Variants in SLC35F3 observed in about 807,000 individuals in gnomAD.
SLC35F3 encodes solute carrier family 35 member F3, also known as putative thiamine transporter SLC35F3.
A neutral mutation model predicts 49.9 loss-of-function variants in SLC35F3; 25 were observed. The ratio of observed to expected loss-of-function variants is 0.50; its 90% CI spans 0.37 to 0.70. The LOEUF (loss-of-function observed/expected upper bound fraction) is 0.70. Among genes scored for constraint, SLC35F3 ranks in the 30% least tolerant of loss-of-function variants. The probability of loss-of-function intolerance (pLI) is 0.00; values close to 1 mark genes in which losing one functional copy is unlikely to be tolerated. For missense variants in SLC35F3, 525 were observed against 639.8 expected, an observed-to-expected ratio of 0.82 and a Z score of 1.94; for synonymous variants, 275 against 265.4, an observed-to-expected ratio of 1.04 and a Z score of -0.35.
intron 2 of SLC35F3, among the ~76,000 whole-genome samples, chr1:234,098,192 G>A (rs909962870): frequency 6.6e-6 from 1 of 150,998 alleles, no homozygotes; most frequent in Non-Finnish European, 1.5e-5. Flanking sequence ...GACTGTGTTG[G>A]TGGTGACAGT....
At chr1:234,068,050 C>T (rs572742412) in intron 2 of SLC35F3, among the ~76,000 whole-genome samples, 9 of 152,120 alleles carry the variant, frequency 5.9e-5, no homozygotes, top group African/African-American at 2.2e-4. Flanking sequence ...CATTTACTCA[C>T]ATTATGAAAA....
At position 234,169,441 on chromosome 1, in the gene SLC35F3, G is replaced by A. The variant is rs551773744; in HGVS notation, c.284-61976G>A. ...AACATGACAAGGACAAAGCGTTCCCGGCTGTGGGCTCCCAGGCTCTAACAT... is the reference window on the plus strand; with the variant it reads ...AACATGACAAGGACAAAGCGTTCCCAGCTGTGGGCTCCCAGGCTCTAACAT... On this transcript the variant is annotated intron_variant, in intron 2 of 7. Coordinates refer to ENST00000366618, the MANE Select transcript of SLC35F3 (RefSeq NM_173508.4). Among the ~76,000 whole-genome samples, 19 of 152,276 alleles carry A rather than the reference G, an allele frequency of 1.2e-4. 1 individual carries two copies. The South Asian group carries it at 1.5e-3, about 12-fold the overall frequency.
chr1:234,282,447 C>T (rs995569241), intron 3 of SLC35F3, among the ~76,000 whole-genome samples: 1 of 152,224 alleles, frequency 6.6e-6, no homozygotes, highest in Admixed American at 6.5e-5. Flanking sequence ...ACTCACAGTC[C>T]AGAGCAGGGC....
At chr1:233,988,468 C>A (rs1454361909) in intron 2 of SLC35F3, among the ~76,000 whole-genome samples, 1 of 152,140 alleles carries the variant, frequency 6.6e-6, no homozygotes, top group African/African-American at 2.4e-5. Flanking sequence ...CTATCAGTTC[C>A]CCTATTGTCA....
intron 2 of SLC35F3, among the ~76,000 whole-genome samples, chr1:234,220,699 T>G (rs920377751): frequency 1.3e-5 from 2 of 152,086 alleles, no homozygotes; most frequent in African/African-American, 4.8e-5. Flanking sequence ...ATCAACAGGC[T>G]GTGGTGAGAG....
chr1:234,075,000 A>G (rs1664772929), intron 2 of SLC35F3, among the ~76,000 whole-genome samples: 1 of 152,192 alleles, frequency 6.6e-6, no homozygotes, highest in Non-Finnish European at 1.5e-5. Context: ...GGACCAAAGG[A>G]AAATTATGGC....
chr1:234,050,370 G>T lies in SLC35F3; in HGVS notation c.283+144612G>T, dbSNP rs1308640007. 3.9e-5 allele frequency among the ~76,000 whole-genome samples: 6 copies of T among 152,276 alleles called. No homozygotes were observed. In the East Asian group the frequency reaches 1.2e-3, roughly 29 times the overall value. ...TGGTATCTCATTGTGGTTTTGATTT[G>T]CATTTCTCTGATGACCAGTGATGAT... On this transcript the variant is annotated intron_variant, in intron 2 of 7. Coordinates refer to ENST00000366618, the MANE Select transcript of SLC35F3 (RefSeq NM_173508.4).
intron 2 of SLC35F3, among the ~76,000 whole-genome samples, chr1:234,161,367 C>G (rs1666224850): frequency 1.3e-5 from 2 of 151,960 alleles, no homozygotes; most frequent in Non-Finnish European, 2.9e-5. Context: ...TGTCTTTCTG[C>G]AGAGGTTGAT....
At chr1:234,210,614 G>T (rs937305620) in intron 2 of SLC35F3, among the ~76,000 whole-genome samples, 1 of 152,238 alleles carries the variant, frequency 6.6e-6, no homozygotes, top group Non-Finnish European at 1.5e-5. Context: ...AACTGAACTT[G>T]AGAGAGATGA....
intron 2 of SLC35F3, among the ~76,000 whole-genome samples, chr1:234,053,406 T>C (rs1354452777): frequency 6.6e-6 from 1 of 152,216 alleles, no homozygotes; most frequent in Non-Finnish European, 1.5e-5. Context: ...TCTTTGTGTC[T>C]TTTGAGCTTT....
intron 2 of SLC35F3, among the ~76,000 whole-genome samples, chr1:234,154,882 T>G (rs1339489059): frequency 1.3e-5 from 2 of 152,094 alleles, no homozygotes; most frequent in Non-Finnish European, 2.9e-5. Flanking sequence ...GGGGGAGAGA[T>G]AAGCAAGTAT....
At chr1:234,003,538 A>G (rs957817665) in intron 2 of SLC35F3, among the ~76,000 whole-genome samples, 2 of 152,220 alleles carry the variant, frequency 1.3e-5, no homozygotes, top group African/African-American at 2.4e-5. Flanking sequence ...TAAAAAATGA[A>G]ACTTTATTAG....
intron 2 of SLC35F3, among the ~76,000 whole-genome samples, chr1:234,113,733 T>C (rs1558233193): frequency 6.6e-6 from 1 of 152,204 alleles, no homozygotes. Flanking sequence ...CATGATGGCA[T>C]GCGTCTGTAA....
chr1:234,301,265 G>A (rs940110592), intron 3 of SLC35F3, among the ~76,000 whole-genome samples: 40 of 152,154 alleles, frequency 2.6e-4, no homozygotes, highest in African/African-American at 7.0e-4. Flanking sequence ...AAGATCGGGC[G>A]TGTTCAGGGT....
intron 2 of SLC35F3, among the ~76,000 whole-genome samples, chr1:234,168,323 C>T (rs1018408680): frequency 2.0e-5 from 3 of 152,246 alleles, no homozygotes; most frequent in Admixed American, 6.5e-5. Flanking sequence ...GGGGTCCGTG[C>T]AACTGGATGG....
At chr1:234,083,315 G>C (rs1255885483) in intron 2 of SLC35F3, among the ~76,000 whole-genome samples, 2 of 152,190 alleles carry the variant, frequency 1.3e-5, no homozygotes, top group African/African-American at 4.8e-5. Context: ...TGGTGTGGCT[G>C]TTTTCTTCTT....
intron 2 of SLC35F3, among the ~76,000 whole-genome samples, chr1:234,057,863 G>A (rs1328042038): frequency 6.6e-6 from 1 of 152,036 alleles, no homozygotes; most frequent in Admixed American, 6.6e-5. Context: ...GCACCACCAG[G>A]CCCAGCTAAT....
intron 2 of SLC35F3, among the ~76,000 whole-genome samples, chr1:233,995,755 A>G (rs895665379): frequency 5.9e-5 from 9 of 152,148 alleles, no homozygotes; most frequent in African/African-American, 1.9e-4. Context: ...TTACAAGTTC[A>G]GCAGCCTTCA....
At chr1:234,225,323 A>C (rs1186002761) in intron 2 of SLC35F3, among the ~76,000 whole-genome samples, 1 of 149,060 alleles carries the variant, frequency 6.7e-6, no homozygotes, top group Non-Finnish European at 1.5e-5. Flanking sequence ...CCATAAACAA[A>C]AGCTTTCTTC....
Sources: allele counts gnomAD v4.1 joint callset (sites outside exome capture counted in the v4.1 genomes callset), GRCh38; gene constraint gnomAD v4.1.1; transcripts MANE v1.5; gene names NCBI Gene and HGNC (gene_info 2026-07-23, HGNC 2026-07-21).